The following SRGAP2B variants were observed in gnomAD, a reference collection of about 807,000 sequenced individuals.
SRGAP2B encodes the protein SLIT-ROBO Rho GTPase activating protein 2B, also known as SLIT-ROBO Rho GTPase-activating protein 2B.
In SRGAP2B, 9 loss-of-function variants were observed where a neutral mutation model predicts 22.2. The observed-to-expected ratio is 0.41, with a 90% CI of 0.24 to 0.71. SRGAP2B has a LOEUF of 0.71. Among genes scored for constraint, SRGAP2B ranks in the 30% least tolerant of loss-of-function variants. The pLI, the probability that SRGAP2B is intolerant of heterozygous loss-of-function variation, is 0.35. For synonymous variants in SRGAP2B, 36 were observed against 87.4 expected (o/e 0.41, Z 3.28); for missense variants, 114 against 235.8 (o/e 0.48, Z 3.38).
At chr1:144,923,123 C>T (rs1664373372) in intron 4 of SRGAP2B, among the ~76,000 whole-genome samples, 1 of 150,422 alleles carries the variant, frequency 6.6e-6, no homozygotes, top group Admixed American at 6.6e-5. Context: ...CTCTGCTCTC[C>T]CAGTCTGAAA....
intron 2 of SRGAP2B, among the ~76,000 whole-genome samples, chr1:145,047,192 A>AG (rs1649891305): frequency 1.4e-5 from 1 of 70,120 alleles, no homozygotes; most frequent in Non-Finnish European, 2.6e-5. Flanking sequence ...AAAAAAAAAA[A>AG]AAAAAAAAAA....
chr1:144,925,189 G>A (rs1553604783), intron 4 of SRGAP2B, among the ~76,000 whole-genome samples: 1 of 150,296 alleles, frequency 6.7e-6, no homozygotes, highest in African/African-American at 2.5e-5. Context: ...TTTTAGTAAA[G>A]ACAGAGAGTT....
At chr1:145,019,835 C>A (rs1381727986) in intron 2 of SRGAP2B, among the ~76,000 whole-genome samples, 2 of 149,186 alleles carry the variant, frequency 1.3e-5, no homozygotes, top group Non-Finnish European at 3.0e-5. Context: ...TCCTAAAAAC[C>A]TCTCACCCTC....
chr1:144,990,835 G>A (rs1203706441), intron 3 of SRGAP2B, among the ~76,000 whole-genome samples: 3 of 151,426 alleles, frequency 2.0e-5, no homozygotes, highest in East Asian at 1.9e-4. Context: ...CAGCAGTGCC[G>A]GCCCATCGGC....
At chr1:144,966,705 A>G (rs1342302155) in intron 3 of SRGAP2B, among the ~76,000 whole-genome samples, 1 of 147,246 alleles carries the variant, frequency 6.8e-6, no homozygotes, top group Non-Finnish European at 1.5e-5. Flanking sequence ...GCAAATGGAT[A>G]AAGAGTCAAG....
At chr1:144,922,866 C>T (rs587649181) in intron 4 of SRGAP2B, among the ~76,000 whole-genome samples, 6 of 151,012 alleles carry the variant, frequency 4.0e-5, no homozygotes, top group Admixed American at 3.9e-4. Flanking sequence ...TACGGCTTTT[C>T]TAGAAGCTCT....
chr1:144,922,692 A>G (rs1247196159), intron 4 of SRGAP2B, among the ~76,000 whole-genome samples: 2 of 150,346 alleles, frequency 1.3e-5, no homozygotes, highest in African/African-American at 5.0e-5. Context: ...TTGGCTGTAC[A>G]ACTAGGATAT....
Position 145,090,137 on chromosome 1 carries a change from A to G in SRGAP2B, c.67+2698T>C, listed in dbSNP as rs1653842952. ...AGTCTGGCAGCACCATGAGTCCCAT[A>G]TAACACACAAAAAGCTGACACTCAT... On this transcript the variant is annotated intron_variant, in intron 2 of 9. Coordinates refer to ENST00000612199, the Ensembl canonical transcript of SRGAP2B. Among the ~76,000 whole-genome samples, 9 of 147,350 alleles carry G rather than the reference A, an allele frequency of 6.1e-5. No homozygotes were observed. The South Asian group carries it at 1.9e-3, about 31-fold the overall frequency.
intron 2 of SRGAP2B, among the ~76,000 whole-genome samples, chr1:145,006,042 G>T (rs1292718650): frequency 1.3e-5 from 2 of 150,732 alleles, no homozygotes; most frequent in African/African-American, 5.0e-5. Flanking sequence ...GGCTGTTCCT[G>T]GGCCTTCATA....
chr1:145,016,955 T>G (rs868952296), intron 2 of SRGAP2B, among the ~76,000 whole-genome samples: 360 of 141,906 alleles, frequency 2.5e-3, no homozygotes, highest in Middle Eastern at 0.014. Context: ...TTCAAGTTTT[T>G]TTTGTTTGTT....
intron 3 of SRGAP2B, among the ~76,000 whole-genome samples, chr1:144,975,127 G>A (rs1399425793): frequency 1.3e-5 from 2 of 149,468 alleles, no homozygotes; most frequent in Non-Finnish European, 2.9e-5. Flanking sequence ...ATGGATACAT[G>A]GGTCTCTCAC....
intron 3 of SRGAP2B, among the ~76,000 whole-genome samples, chr1:144,968,732 A>G (rs1402179047): frequency 7.5e-5 from 8 of 107,150 alleles, no homozygotes; most frequent in Non-Finnish European, 1.3e-4. Context: ...ATGATTGTTT[A>G]TCTAGAAAAC....
At chr1:144,917,501 G>C (rs1435577362) in intron 4 of SRGAP2B, among the ~76,000 whole-genome samples, 1 of 132,164 alleles carries the variant, frequency 7.6e-6, no homozygotes, top group Non-Finnish European at 1.6e-5. Context: ...CCTCTACCCT[G>C]TTGCTTACCC....
intron 4 of SRGAP2B, among the ~76,000 whole-genome samples, chr1:144,925,907 T>C (rs1664701856): frequency 8.6e-6 from 1 of 116,186 alleles, no homozygotes; most frequent in Non-Finnish European, 1.7e-5. Flanking sequence ...GTATCTGTTC[T>C]CTTACAAGCA....
chr1:144,975,408 C>T (rs1268005101), intron 3 of SRGAP2B, among the ~76,000 whole-genome samples: 4 of 149,428 alleles, frequency 2.7e-5, no homozygotes, highest in African/African-American at 5.1e-5. Context: ...TTGTCTGGGT[C>T]ATGGGAAGAA....
At chr1:145,044,648 C>G (rs1393080606) in intron 2 of SRGAP2B, among the ~76,000 whole-genome samples, 1 of 63,476 alleles carries the variant, frequency 1.6e-5, no homozygotes, top group Non-Finnish European at 2.8e-5. Flanking sequence ...TGAACCCCCT[C>G]CTAAAAAAAA....
chr1:144,920,572 A>T (rs1664163820), intron 4 of SRGAP2B, among the ~76,000 whole-genome samples: 1 of 149,148 alleles, frequency 6.7e-6, no homozygotes, highest in South Asian at 2.1e-4. Context: ...ATTTTTAAAA[A>T]AATTGTTTTC....
rs1298720080 is a variant in SRGAP2B at position 144,964,595 on chromosome 1, G to C, written c.261-8994C>G. Reference sequence around the variant, plus strand: ...CAAATTAGCGAGTTCAGGTCCTTAAGGAATCTGGATGAACAATGTGAAACT... The same window carrying C: ...CAAATTAGCGAGTTCAGGTCCTTAACGAATCTGGATGAACAATGTGAAACT... On this transcript the variant is annotated intron_variant, in intron 3 of 9. Coordinates refer to ENST00000612199, the Ensembl canonical transcript of SRGAP2B. 2.5e-3 allele frequency among the ~76,000 whole-genome samples: 374 copies of C among 151,072 alleles called. 2 individuals carry two copies. Among genetic ancestry groups the C allele is most frequent in the Non-Finnish European group, 4.4e-3 (296 of 67,962 alleles).
chr1:145,016,957 T>C (rs1319703093), intron 2 of SRGAP2B, among the ~76,000 whole-genome samples: 1 of 144,032 alleles, frequency 6.9e-6, no homozygotes, highest in Admixed American at 6.9e-5. Flanking sequence ...CAAGTTTTTT[T>C]TGTTTGTTTG....
Sources: gnomAD v4.1 joint callset for allele counts (sites outside exome capture counted in the v4.1 genomes callset) on GRCh38, gnomAD v4.1.1 for gene constraint, MANE v1.5 for transcripts, NCBI Gene and HGNC (gene_info 2026-07-23, HGNC 2026-07-21) for gene names.